Variants in UBQLN1 observed in about 807,000 individuals in gnomAD.
UBQLN1 encodes ubiquilin-1.
A neutral mutation model predicts 65.4 loss-of-function variants in UBQLN1; 13 were observed. The observed-to-expected ratio is 0.20, with a 90% CI of 0.13 to 0.32. The LOEUF (loss-of-function observed/expected upper bound fraction) is 0.32. Among genes scored for constraint, UBQLN1 ranks in the 10% least tolerant of loss-of-function variants. UBQLN1 has a pLI of 1.00. For missense variants in UBQLN1, 561 were observed against 724.0 expected, an observed-to-expected ratio of 0.77 and a Z score of 2.58; for synonymous variants, 267 against 247.8, an observed-to-expected ratio of 1.08 and a Z score of -0.73.
intron 8 of UBQLN1, 196 bp from the exon 9 acceptor site, chr9:83,665,341 G>T: frequency 2.2e-6 from 1 of 445,434 alleles, no homozygotes; most frequent in East Asian, 3.5e-5. Flanking sequence ...ATTATTACTT[G>T]ACCTCCTCCT....
chr9:83,665,681 T>A (rs187877959), intron 8 of UBQLN1, among the ~76,000 whole-genome samples: 1 of 152,172 alleles, frequency 6.6e-6, no homozygotes, highest in African/African-American at 2.4e-5. Flanking sequence ...ATCATTACAA[T>A]AGATCAAGGA....
intron 1 of UBQLN1, among the ~76,000 whole-genome samples, chr9:83,690,031 C>A (rs1315201261): frequency 6.6e-6 from 1 of 152,172 alleles, no homozygotes; most frequent in Admixed American, 6.5e-5. Context: ...ACTGTGGGTA[C>A]AAGTATAAAT....
At chr9:83,705,893 T>C (rs987493493) in intron 1 of UBQLN1, among the ~76,000 whole-genome samples, 4 of 152,004 alleles carry the variant, frequency 2.6e-5, no homozygotes, top group African/African-American at 7.3e-5. Flanking sequence ...GGGATCCCAT[T>C]TAATGTTAAG....
rs765546485 is a variant in UBQLN1 at position 83,666,374 on chromosome 9, T to C, written c.1308A>G (p.Gln436=). 3 of 1,613,956 alleles carry C rather than the reference T, an allele frequency of 1.9e-6. No homozygotes were observed. Among genetic ancestry groups the C allele is most frequent in the South Asian group, 2.2e-5 (2 of 91,072 alleles). The change falls in exon 8 of 11, where the codon CAA becomes CAG. Residue 436 remains glutamine (Q), a synonymous_variant. Coordinates refer to ENST00000376395, the MANE Select transcript of UBQLN1 (RefSeq NM_013438.5). The part of the protein sequence containing the change: ...GNPQLQEQMR[Q]QLPTFLQQMQ... The stretch of plus-strand genomic sequence containing the variant: ...CTTGTTGGAGGAAAGTTGGGAGCTG[T>C]TGTCTCATTTGTTCTTGAAGCTGAG...
intron 1 of UBQLN1, among the ~76,000 whole-genome samples, chr9:83,697,245 GTTTT>G (rs71365322): frequency 7.1e-6 from 1 of 140,698 alleles, no homozygotes; most frequent in Non-Finnish European, 1.5e-5. Context: ...GTATCTTCTG[GTTTT>G]TTTTTTTTTT....
intron 1 of UBQLN1, among the ~76,000 whole-genome samples, chr9:83,692,708 C>T (rs1368019702): frequency 2.6e-5 from 4 of 152,024 alleles, no homozygotes; most frequent in Non-Finnish European, 5.9e-5. Context: ...CAAAATTATC[C>T]AGGCATGGTG....
chr9:83,696,764 C>T (rs1832222683), intron 1 of UBQLN1, among the ~76,000 whole-genome samples: 1 of 152,072 alleles, frequency 6.6e-6, no homozygotes, highest in South Asian at 2.1e-4. Context: ...TGCTAGGCAA[C>T]ATGGGATTAG....
intron 8 of UBQLN1, 165 bp from the exon 9 acceptor site, chr9:83,665,310 G>A (rs1360949723): frequency 6.0e-6 from 3 of 496,156 alleles, no homozygotes; most frequent in Non-Finnish European, 1.1e-5. Flanking sequence ...TCTCCTCTTT[G>A]ACAGCAAACC....
At position 83,682,917 on chromosome 9, in the gene UBQLN1, T is replaced by C. The variant is rs747677445; in HGVS notation, c.448+34A>G. 5.5e-6 allele frequency: 7 copies of C among 1,278,036 alleles called. No homozygotes were observed. In the East Asian group the frequency reaches 1.7e-4, roughly 32 times the overall value. 79.2% of individuals were successfully genotyped at this position (1,278,036 alleles called of 1,614,324 possible). A position where few individuals can be genotyped will look rare whatever the true frequency, so the allele number is the denominator to read the frequency against. Reference sequence around the variant, plus strand: ...CCCAGGAAGGGAAAGGAGTATTTTTTCCCATCCCTACTGGAATGACTAAAG... The same window carrying C: ...CCCAGGAAGGGAAAGGAGTATTTTTCCCCATCCCTACTGGAATGACTAAAG... On this transcript the variant is annotated intron_variant, in intron 3 of 10. Coordinates refer to ENST00000376395, the MANE Select transcript of UBQLN1 (RefSeq NM_013438.5).
chr9:83,695,477 C>T (rs935097057), intron 1 of UBQLN1, among the ~76,000 whole-genome samples: 1 of 152,196 alleles, frequency 6.6e-6, no homozygotes. Flanking sequence ...GACTTAAAGG[C>T]GTGAGGCGCC....
At position 83,686,045 on chromosome 9, in the gene UBQLN1, A is replaced by G; in HGVS notation, c.291T>C (p.His97=). ...DQDTLSQHGI[H]DGLTVHLVIK... ...TGACAAGGTGAACAGTAAGTCCATC[A>G]TGAATTCCATGCTGACTCAAGGTAT... The change falls in exon 2 of 11, where the codon CAT becomes CAC. Residue 97 remains histidine, a synonymous_variant. Transcript: ENST00000376395. The G allele has an allele frequency of 3.1e-6, 5 of 1,607,776 alleles. No individual in the cohort carries two copies. The highest frequency in any genetic ancestry group is 4.2e-6 in the Non-Finnish European group (5 of 1,177,972).
At chr9:83,676,318 G>C (rs1408378469) in intron 6 of UBQLN1, among the ~76,000 whole-genome samples, 1 of 152,196 alleles carries the variant, frequency 6.6e-6, no homozygotes, top group Non-Finnish European at 1.5e-5. Flanking sequence ...TTAAGTATCT[G>C]AGTAAAAGGA....
chr9:83,692,001 A>T (rs1364447103), intron 1 of UBQLN1, among the ~76,000 whole-genome samples: 1 of 152,218 alleles, frequency 6.6e-6, no homozygotes, highest in East Asian at 1.9e-4. Context: ...ACCACTTCCA[A>T]GTAGAAGGCT....
At chr9:83,699,725 G>T (rs1832279916) in intron 1 of UBQLN1, among the ~76,000 whole-genome samples, 1 of 152,144 alleles carries the variant, frequency 6.6e-6, no homozygotes, top group Non-Finnish European at 1.5e-5. Context: ...ATATTAACAG[G>T]AAGCCCTAAT....
intron 6 of UBQLN1, among the ~76,000 whole-genome samples, chr9:83,671,682 T>G (rs969872628): frequency 6.6e-6 from 1 of 152,194 alleles, no homozygotes; most frequent in Admixed American, 6.5e-5. Context: ...TTTTTTCTTT[T>G]TTTTCCTGTT....
intron 1 of UBQLN1, among the ~76,000 whole-genome samples, chr9:83,700,939 G>A (rs143916731): frequency 5.3e-5 from 8 of 152,322 alleles, no homozygotes; most frequent in African/African-American, 1.9e-4. Flanking sequence ...GATCACTCTT[G>A]GAATGGCTGG....
At chr9:83,676,316 C>G (rs1831831020) in intron 6 of UBQLN1, among the ~76,000 whole-genome samples, 1 of 152,144 alleles carries the variant, frequency 6.6e-6, no homozygotes, top group African/African-American at 2.4e-5. Context: ...CATTAAGTAT[C>G]TGAGTAAAAG....
chr9:83,699,391 G>T (rs1234176507), intron 1 of UBQLN1, among the ~76,000 whole-genome samples: 1 of 152,206 alleles, frequency 6.6e-6, no homozygotes, highest in Non-Finnish European at 1.5e-5. Flanking sequence ...ACCACAGCTG[G>T]AATGCTGCGG....
chr9:83,678,696 T>C (rs1305127091), intron 4 of UBQLN1, 97 bp from the exon 5 acceptor site: 34 of 1,267,028 alleles, frequency 2.7e-5, no homozygotes, highest in Middle Eastern at 1.9e-4. Context: ...ACAAAGTTTA[T>C]GGGAGGCCAC....
Sources: gnomAD v4.1 joint callset for allele counts (sites outside exome capture counted in the v4.1 genomes callset) on GRCh38, gnomAD v4.1.1 for gene constraint, MANE v1.5 for transcripts, NCBI Gene and HGNC (gene_info 2026-07-23, HGNC 2026-07-21) for gene names.